Variants in GLIS1 observed in about 807,000 individuals in gnomAD.
GLIS1 encodes zinc finger protein GLIS1.
A neutral mutation model predicts 63.8 loss-of-function variants in GLIS1; 24 were observed. That is an observed-to-expected ratio of 0.38 (90% CI 0.27 to 0.53). The LOEUF (loss-of-function observed/expected upper bound fraction) is 0.53. GLIS1 is among the 20% of genes least tolerant of loss of function. GLIS1 has a pLI of 0.85. For synonymous variants in GLIS1, 450 were observed against 482.5 expected (o/e 0.93, Z 0.88); for missense variants, 1,036 against 1,074.1 (o/e 0.96, Z 0.50).
chr1:53,680,485 T>C (rs962650304), intron 2 of GLIS1, among the ~76,000 whole-genome samples: 5 of 152,274 alleles, frequency 3.3e-5, no homozygotes, highest in African/African-American at 1.2e-4. Flanking sequence ...ATACTTAACC[T>C]CTCTGAGCCT....
At chr1:53,667,592 G>A (rs1327578936) in intron 2 of GLIS1, among the ~76,000 whole-genome samples, 1 of 150,670 alleles carries the variant, frequency 6.6e-6, no homozygotes, top group Non-Finnish European at 1.5e-5. Flanking sequence ...AGACTCACAG[G>A]CTCTCACAGT....
At chr1:53,522,853 G>C (rs1380500832) in intron 6 of GLIS1, among the ~76,000 whole-genome samples, 3 of 152,090 alleles carry the variant, frequency 2.0e-5, no homozygotes, top group African/African-American at 4.8e-5. Context: ...GTTGGAGGCT[G>C]CCATGAGCCA....
chr1:53,661,481 A>G (rs762375081), intron 2 of GLIS1, among the ~76,000 whole-genome samples: 20 of 151,708 alleles, frequency 1.3e-4, no homozygotes, highest in Non-Finnish European at 2.6e-4. Context: ...AACATCGAAA[A>G]CTCCCCAAAT....
chr1:53,554,564 C>T (rs967253433), intron 4 of GLIS1, among the ~76,000 whole-genome samples: 1 of 152,214 alleles, frequency 6.6e-6, no homozygotes, highest in Non-Finnish European at 1.5e-5. Flanking sequence ...TAGGGCACTA[C>T]AGGACTAGTC....
At chr1:53,551,534 T>C (rs1003623456) in intron 4 of GLIS1, among the ~76,000 whole-genome samples, 7 of 152,174 alleles carry the variant, frequency 4.6e-5, no homozygotes, top group African/African-American at 1.7e-4. Flanking sequence ...TCCTTGGGCT[T>C]CTGGGAAAAC....
chr1:53,595,508 C>T (rs1164487151), intron 3 of GLIS1, among the ~76,000 whole-genome samples: 2 of 152,096 alleles, frequency 1.3e-5, no homozygotes, highest in Admixed American at 1.3e-4. Context: ...GTGGTGAGAA[C>T]ACCAGGAAGG....
intron 2 of GLIS1, among the ~76,000 whole-genome samples, chr1:53,730,770 C>T (rs78770536): frequency 0.011 from 1,730 of 152,260 alleles, 16 homozygotes; most frequent in East Asian, 0.033. Context: ...CATGAATGCA[C>T]GTGCAAGGCC....
intron 7 of GLIS1, among the ~76,000 whole-genome samples, chr1:53,518,577 A>G (rs1244057623): frequency 1.3e-5 from 2 of 152,186 alleles, no homozygotes; most frequent in Non-Finnish European, 2.9e-5. Context: ...CTCACAGCAG[A>G]TGAGATCCCT....
In GLIS1 at chr1:53,510,019, G is replaced by A. The variant is rs1379951740; in HGVS notation, c.1892C>T (p.Pro631Leu). 8.7e-6 allele frequency: 11 copies of A among 1,269,284 alleles called. No individual in the cohort carries two copies. Among genetic ancestry groups the A allele is most frequent in the Middle Eastern group, 2.3e-4 (1 of 4,282 alleles). 78.6% of individuals were successfully genotyped at this position (1,269,284 alleles called of 1,614,324 possible). A position where few individuals can be genotyped will look rare whatever the true frequency, so the allele number is the denominator to read the frequency against. ...MAESTRDGLG[P>L]GLLSPIVSPL... ...GCTGACTATTGGTGAGAGGAGGCCGGGCCCCAACCTGGAGAGAACAGAGGT... is the reference window on the plus strand; with the variant it reads ...GCTGACTATTGGTGAGAGGAGGCCGAGCCCCAACCTGGAGAGAACAGAGGT... The change falls in exon 9 of 11, where the codon CCC becomes CTC. Residue 631 changes from proline to leucine, a missense_variant. Physicochemically the swap from Pro to Leu is moderately conservative, Grantham distance 98. This residue lies in a region of GLIS1 where 400 missense variants were observed against 400.9 expected (regional missense o/e 1.00). Coordinates refer to ENST00000628545, the MANE Select transcript of GLIS1 (RefSeq NM_001367484.1).
chr1:53,641,179 T>G (rs1645783412), intron 2 of GLIS1, among the ~76,000 whole-genome samples: 2 of 152,134 alleles, frequency 1.3e-5, no homozygotes, highest in African/African-American at 4.8e-5. Context: ...GAGTGCCCAG[T>G]CCAGGGTTTG....
chr1:53,579,872 T>C (rs548445231), intron 4 of GLIS1, among the ~76,000 whole-genome samples: 2 of 152,304 alleles, frequency 1.3e-5, no homozygotes, highest in South Asian at 4.1e-4. Flanking sequence ...TCCCAGTGTC[T>C]GCGTTGGAAA....
At chr1:53,633,486 T>C (rs1645691749) in intron 2 of GLIS1, among the ~76,000 whole-genome samples, 1 of 146,838 alleles carries the variant, frequency 6.8e-6, no homozygotes, top group South Asian at 2.1e-4. Context: ...GGTGTGTGAA[T>C]GAGTGTGGCT....
rs934981923 is a variant in GLIS1 at position 53,639,491 on chromosome 1, G to T, written c.260-39213C>A. ...CAATCAGTAAATTCCAAGCAGATGC[G>T]CACAGGCTGTTTTGGTTGGAACCCT... On this transcript the variant is annotated intron_variant, in intron 2 of 10. Coordinates refer to ENST00000628545, the MANE Select transcript of GLIS1 (RefSeq NM_001367484.1). This position sits in a 1 kb window ranked among gnomAD's most constrained non-coding sequence, Gnocchi z 4.6. Among the ~76,000 whole-genome samples the T allele has an allele frequency of 6.6e-6, 1 of 152,100 alleles. No individual in the cohort carries two copies. The highest frequency in any genetic ancestry group is 2.1e-4 in the South Asian group (1 of 4,824).
chr1:53,733,871 G>A lies in GLIS1; in HGVS notation c.259+3935C>T, dbSNP rs548449513. The A allele has an allele frequency of 5.8e-4, 563 of 971,144 alleles. 2 individuals are homozygous for A. The highest frequency in any genetic ancestry group is 6.6e-4 in the Non-Finnish European group (536 of 817,090). The allele number at this position is 971,144 out of a possible 1,614,324, so 60.2% of individuals were successfully genotyped here. A position where few individuals can be genotyped will look rare whatever the true frequency, so the allele number is the denominator to read the frequency against. ...TGCAAGCAAATTGCCCACCGGAGCC[G>A]GAGGGGAGAAATGCTTTAAAAGTCA... On this transcript the variant is annotated intron_variant, in intron 2 of 10. Transcript: ENST00000628545.
chr1:53,608,882 G>C (rs1381659361), intron 2 of GLIS1, among the ~76,000 whole-genome samples: 1 of 152,172 alleles, frequency 6.6e-6, no homozygotes, highest in African/African-American at 2.4e-5. Context: ...TGGCAGTTCT[G>C]TTTGATGACT....
intron 2 of GLIS1, among the ~76,000 whole-genome samples, chr1:53,666,409 T>A (rs1646091796): frequency 6.6e-6 from 1 of 152,138 alleles, no homozygotes; most frequent in South Asian, 2.1e-4. Context: ...CAGGATGGAA[T>A]CCCAGGTCCC....
At chr1:53,587,287 A>G (rs1240185683) in intron 4 of GLIS1, among the ~76,000 whole-genome samples, 2 of 152,118 alleles carry the variant, frequency 1.3e-5, no homozygotes, top group Non-Finnish European at 1.5e-5. Flanking sequence ...CCCACCTAAT[A>G]ATGAGGGTAG....
rs1297903107 is a variant in GLIS1 at position 53,556,299 on chromosome 1, ATGTG to A, written c.1321-26351_1321-26348del. Among the ~76,000 whole-genome samples the A allele has an allele frequency of 1.9e-4, 9 of 46,720 alleles. No homozygotes were observed. The East Asian group carries it at 4.7e-3, about 25-fold the overall frequency. The allele number at this position is 46,720 out of a possible 152,430, so 30.7% of individuals were successfully genotyped here. ...GTGTGTGTGCAGGTGTACTGTAGGT[ATGTG>A]TGTGTGTGCAGGTGTACTGCAGGTG... On this transcript the variant is annotated intron_variant, in intron 4 of 10. Transcript: ENST00000628545.
intron 2 of GLIS1, among the ~76,000 whole-genome samples, chr1:53,623,565 A>G (rs963020710): frequency 1.3e-5 from 2 of 152,242 alleles, no homozygotes; most frequent in African/African-American, 4.8e-5. Flanking sequence ...AAAGGAAAAA[A>G]GCATGAAGAT....
Sources: allele counts gnomAD v4.1 joint callset (sites outside exome capture counted in the v4.1 genomes callset), GRCh38; gene constraint gnomAD v4.1.1; regional missense constraint gnomAD v4.1.1; non-coding constraint Gnocchi (gnomAD v3.1); transcripts MANE v1.5; gene names NCBI Gene and HGNC (gene_info 2026-07-23, HGNC 2026-07-21).